The following CDH4 variants were observed in gnomAD, a reference collection of about 807,000 sequenced individuals.
The protein encoded by CDH4 is cadherin-4.
CDH4 carries 33 observed loss-of-function variants against 86.0 expected under a neutral mutation model. That is an observed-to-expected ratio of 0.38 (90% confidence interval 0.29 to 0.51). The LOEUF (loss-of-function observed/expected upper bound fraction) is 0.51, where lower values mean the gene tolerates loss of function less well. Among genes scored for constraint, CDH4 ranks in the 20% least tolerant of loss-of-function variants. The pLI, the probability that CDH4 is intolerant of heterozygous loss-of-function variation, is 0.86. For synonymous variants in CDH4, 555 were observed against 549.4 expected, an observed-to-expected ratio of 1.01 and a Z score of -0.14; for missense variants, 1,114 against 1,307.4, an observed-to-expected ratio of 0.85 and a Z score of 2.28.
In CDH4 at chr20:61,759,577, T is replaced by G. The variant is rs8115242; in HGVS notation, c.397-13426T>G. Among the ~76,000 whole-genome samples the G allele has an allele frequency of 2.7e-3, 417 of 152,340 alleles. 1 individual carries two copies. Among genetic ancestry groups the G allele is most frequent in the African/African-American group, 9.4e-3 (390 of 41,584 alleles). ...ATCTTTCTCACTAATGCACAAAATATGAACGATTTCATTCAGTTCCACCAC... is the reference window on the plus strand; with the variant it reads ...ATCTTTCTCACTAATGCACAAAATAGGAACGATTTCATTCAGTTCCACCAC... On this transcript the variant is annotated intron_variant, in intron 3 of 15. Coordinates refer to ENST00000614565, the MANE Select transcript of CDH4 (RefSeq NM_001794.5).
intron 2 of CDH4, among the ~76,000 whole-genome samples, chr20:61,258,340 A>AAGAAAAAG (rs1555830543): frequency 3.8e-4 from 46 of 121,770 alleles, no homozygotes; most frequent in African/African-American, 1.4e-3. Context: ...AAAAAAAAAA[A>AAGAAAAAG]AAAAAGAAAA....
chr20:61,733,399 C>T (rs750224800), intron 2 of CDH4, among the ~76,000 whole-genome samples: 1 of 152,152 alleles, frequency 6.6e-6, no homozygotes, highest in Non-Finnish European at 1.5e-5. Context: ...ACGTGCTGTT[C>T]CCGCATCAAA....
chr20:61,469,980 A>T (rs2145567598), intron 2 of CDH4, among the ~76,000 whole-genome samples: 1 of 152,254 alleles, frequency 6.6e-6, no homozygotes, highest in South Asian at 2.1e-4. Flanking sequence ...GTATGATTTG[A>T]AGTCAAGCAA....
chr20:61,930,647 C>T (rs1462688815), intron 13 of CDH4, among the ~76,000 whole-genome samples: 1 of 152,216 alleles, frequency 6.6e-6, no homozygotes. Flanking sequence ...CCAACCTGAG[C>T]CCTGTCCAAA....
intron 4 of CDH4, among the ~76,000 whole-genome samples, chr20:61,833,026 G>A (rs1981699197): frequency 6.6e-6 from 1 of 152,100 alleles, no homozygotes; most frequent in Non-Finnish European, 1.5e-5. Context: ...GAGTCTGAGG[G>A]GTGGGCTGAG....
intron 2 of CDH4, among the ~76,000 whole-genome samples, chr20:61,698,244 C>T (rs1461591990): frequency 6.6e-6 from 1 of 152,276 alleles, no homozygotes; most frequent in African/African-American, 2.4e-5. Flanking sequence ...AGTGCAGCCC[C>T]CACTGACCAT....
At chr20:61,552,780 A>T in intron 2 of CDH4, among the ~76,000 whole-genome samples, 1 of 152,178 alleles carries the variant, frequency 6.6e-6, no homozygotes, top group South Asian at 2.1e-4. Context: ...TTAAAAAGAC[A>T]ATAACAAGTG....
intron 2 of CDH4, among the ~76,000 whole-genome samples, chr20:61,710,428 G>T (rs1289315374): frequency 6.6e-6 from 1 of 152,238 alleles, no homozygotes; most frequent in African/African-American, 2.4e-5. Flanking sequence ...GCCTCTATCT[G>T]TGTGCAGGCC....
At chr20:61,848,829 A>G (rs892290024) in intron 5 of CDH4, among the ~76,000 whole-genome samples, 2 of 152,144 alleles carry the variant, frequency 1.3e-5, no homozygotes, top group South Asian at 2.1e-4. Context: ...CACCGAGCCC[A>G]CGTTCCTGTC....
chr20:61,271,763 C>T (rs79532062), intron 2 of CDH4, among the ~76,000 whole-genome samples: 3,272 of 152,352 alleles, frequency 0.021, 60 homozygotes, highest in Non-Finnish European at 0.032. Flanking sequence ...CGAGATGGTT[C>T]TGTCACAACG....
chr20:61,575,965 G>C (rs1204648869), intron 2 of CDH4, among the ~76,000 whole-genome samples: 4 of 152,170 alleles, frequency 2.6e-5, no homozygotes, highest in Non-Finnish European at 5.9e-5. Context: ...TACCTCAAGG[G>C]CTTCGTCCTT....
intron 2 of CDH4, among the ~76,000 whole-genome samples, chr20:61,341,524 C>CTTTTTTTTTTTTTTTTTTTT (rs561277730): frequency 1.5e-5 from 2 of 133,232 alleles, no homozygotes; most frequent in African/African-American, 2.7e-5. Context: ...ACTTTTTTTT[C>CTTTTTTTTTTTTTTTTTTTT]TTTTTTTTTT....
chr20:61,283,782 A>T (rs2084277980), intron 2 of CDH4, among the ~76,000 whole-genome samples: 1 of 152,236 alleles, frequency 6.6e-6, no homozygotes, highest in East Asian at 1.9e-4. Flanking sequence ...CTGGTTCAGA[A>T]GCTCTGTTAC....
rs541914264 is a variant in CDH4 at position 61,754,845 on chromosome 20, C to A, written c.396+11056C>A. 6.6e-5 allele frequency: 10 copies of A among 152,624 alleles called. 1 individual carries two copies. Among genetic ancestry groups the A allele is most frequent in the African/African-American group, 2.4e-4 (10 of 41,370 alleles). The allele number at this position is 152,624 out of a possible 1,614,324, so 9.5% of individuals were successfully genotyped here. ...TGCCACACACCACACACATGCCCCA[C>A]ACACACCACACAGTGCACGCCACAC... On this transcript the variant is annotated intron_variant, in intron 3 of 15. Transcript: ENST00000614565. The surrounding 1 kb of genome is among the most constrained non-coding windows in gnomAD (Gnocchi z 4.7).
chr20:61,550,820 G>C (rs2086124023), intron 2 of CDH4, among the ~76,000 whole-genome samples: 1 of 152,236 alleles, frequency 6.6e-6, no homozygotes, highest in Non-Finnish European at 1.5e-5. Flanking sequence ...TGCTCCCAGA[G>C]CCTGCAGTAC....
intron 2 of CDH4, among the ~76,000 whole-genome samples, chr20:61,295,037 A>G (rs1000932362): frequency 2.6e-5 from 4 of 152,190 alleles, no homozygotes; most frequent in African/African-American, 9.7e-5. Context: ...CTGGCCTTGC[A>G]CCCTCAATAT....
At chr20:61,862,017 G>T (rs1046455414) in intron 6 of CDH4, among the ~76,000 whole-genome samples, 1 of 152,202 alleles carries the variant, frequency 6.6e-6, no homozygotes, top group African/African-American at 2.4e-5. Context: ...TGAACGGGAA[G>T]CGCCTTTCCC....
intron 2 of CDH4, among the ~76,000 whole-genome samples, chr20:61,444,978 CGT>C (rs2085340324): frequency 7.0e-6 from 1 of 143,442 alleles, no homozygotes; most frequent in African/African-American, 2.6e-5. Context: ...GGTTTCTTTG[CGT>C]GTGTGTTTGT....
intron 2 of CDH4, among the ~76,000 whole-genome samples, chr20:61,694,836 C>T (rs889346180): frequency 6.6e-6 from 1 of 152,336 alleles, no homozygotes; most frequent in Non-Finnish European, 1.5e-5. Flanking sequence ...GCCTGCTCTG[C>T]CGAGCGCTGG....
Sources: gnomAD v4.1 joint callset for allele counts (sites outside exome capture counted in the v4.1 genomes callset) on GRCh38, gnomAD v4.1.1 for gene constraint, Gnocchi (gnomAD v3.1) non-coding constraint, MANE v1.5 for transcripts, NCBI Gene and HGNC (gene_info 2026-07-23, HGNC 2026-07-21) for gene names.